The following KLHL24 variants were observed in gnomAD, a reference collection of about 807,000 sequenced individuals.
The protein encoded by KLHL24 is kelch like family member 24.
In KLHL24, 29 loss-of-function variants were observed where a neutral mutation model predicts 53.4. That is an observed-to-expected ratio of 0.54 (90% CI 0.40 to 0.74). KLHL24 has a LOEUF of 0.74. Among genes scored for constraint, KLHL24 ranks in the 30% least tolerant of loss-of-function variants. The pLI is 0.00. For missense variants in KLHL24, 504 were observed against 744.0 expected (o/e 0.68, Z 3.75); for synonymous variants, 222 against 253.7 (o/e 0.88, Z 1.19).
intron 3 of KLHL24, among the ~76,000 whole-genome samples, chr3:183,654,085 A>G (rs1226767494): frequency 5.3e-5 from 8 of 152,020 alleles, no homozygotes; most frequent in African/African-American, 1.7e-4. Flanking sequence ...ACTCCTCTCA[A>G]TCAGGTCATC....
At chr3:183,637,538 C>G (rs1281737248) in intron 1 of KLHL24, among the ~76,000 whole-genome samples, 1 of 152,168 alleles carries the variant, frequency 6.6e-6, no homozygotes, top group African/African-American at 2.4e-5. Context: ...CATTTTTAGC[C>G]ATAGTGTGTT....
intron 1 of KLHL24, among the ~76,000 whole-genome samples, chr3:183,637,884 C>T (rs1462849433): frequency 6.6e-6 from 1 of 152,222 alleles, no homozygotes; most frequent in Non-Finnish European, 1.5e-5. Context: ...GTCTTGAACT[C>T]CTGACCTCAG....
chr3:183,645,310 G>C (rs1384468961), intron 2 of KLHL24, among the ~76,000 whole-genome samples: 1 of 152,140 alleles, frequency 6.6e-6, no homozygotes, highest in Non-Finnish European at 1.5e-5. Flanking sequence ...CTCTTGATAT[G>C]GGGGATACAT....
rs781103410 is a variant in KLHL24 at position 183,679,281 on chromosome 3, C to T, written c.1798C>T (p.Leu600Phe). The change falls in exon 8 of 8, where the codon CTC becomes TTC. Residue 600 changes from leucine to phenylalanine, a missense_variant. Physicochemically the swap from Leu to Phe is conservative, Grantham distance 22. Coordinates refer to ENST00000242810, the MANE Select transcript of KLHL24 (RefSeq NM_017644.3). ...TAGATACAATGAGAAATGCTTTAAA[C>T]TCTGAAGACAGGATACCTCACCGAA... ...IHRYNEKCFK[L>F] 1.9e-6 allele frequency: 3 copies of T among 1,613,080 alleles called. No individual in the cohort carries two copies. The highest frequency in any genetic ancestry group is 4.5e-5 in the East Asian group (2 of 44,870).
rs1433596225 is a variant in KLHL24, at chr3:183,680,443, A to G, written c.*1157A>G. 1 of 152,206 alleles carries G rather than the reference A, an allele frequency of 6.6e-6. No homozygotes were observed. Among genetic ancestry groups the G allele is most frequent in the Non-Finnish European group, 1.5e-5 (1 of 68,034 alleles). 9.4% of individuals were successfully genotyped at this position (152,206 alleles called of 1,614,324 possible). A position where few individuals can be genotyped will look rare whatever the true frequency, so the allele number is the denominator to read the frequency against. On this transcript the variant is annotated 3_prime_UTR_variant, in exon 8 of 8. Transcript: ENST00000242810. ...AAATTCCTGAGAGTCTCTACTGTTAAGGTACCTTTAATAGGATAAAGCAGG... is the reference window on the plus strand; with the variant it reads ...AAATTCCTGAGAGTCTCTACTGTTAGGGTACCTTTAATAGGATAAAGCAGG...
At chr3:183,648,117 TTGA>T (rs1038696746) in intron 2 of KLHL24, among the ~76,000 whole-genome samples, 11 of 152,252 alleles carry the variant, frequency 7.2e-5, no homozygotes, top group African/African-American at 1.7e-4. Flanking sequence ...TAAATATTTG[TTGA>T]TGATGATGAT....
intron 3 of KLHL24, among the ~76,000 whole-genome samples, chr3:183,660,294 C>A (rs1719546320): frequency 6.6e-6 from 1 of 152,000 alleles, no homozygotes; most frequent in Non-Finnish European, 1.5e-5. Context: ...CCATGCCTGA[C>A]TAATTTTTGT....
chr3:183,651,065 G>A lies in KLHL24; in HGVS notation c.709G>A (p.Val237Ile). Residue 237 changes from valine (V) to isoleucine (I), a missense_variant, in exon 3 of 8, where the codon GTC becomes ATC. By Grantham distance (29) the Val-to-Ile change is conservative. Coordinates refer to ENST00000242810, the MANE Select transcript of KLHL24 (RefSeq NM_017644.3). ...EMVFEAVMRWVYRAVDLRRPL... is the reference protein window; with the variant it reads ...EMVFEAVMRWIYRAVDLRRPL... ...GGTTTTTGAAGCCGTCATGCGTTGG[G>A]TCTATCGTGCCGTTGATCTGAGAAG... 1 of 1,614,192 alleles carries A rather than the reference G, an allele frequency of 6.2e-7. No individual in the cohort carries two copies. The highest frequency in any genetic ancestry group is 8.5e-7 in the Non-Finnish European group (1 of 1,180,028).
At chr3:183,666,420 G>A (rs756062250) in intron 5 of KLHL24, among the ~76,000 whole-genome samples, 15 of 151,926 alleles carry the variant, frequency 9.9e-5, no homozygotes, top group Admixed American at 2.6e-4. Context: ...ACACCACAAT[G>A]CCTAGCTAAT....
rs1283351470 is a variant in KLHL24, at chr3:183,658,909, C to G, written c.921-4549C>G. Among the ~76,000 whole-genome samples the G allele has an allele frequency of 2.0e-5, 3 of 152,040 alleles. No homozygotes were observed. The East Asian group carries it at 5.8e-4, about 30-fold the overall frequency. ...CAATCTCACAGACTCCAGCAAACCTCCTGCCTCAGCCTCTCTCTCGAGTAG... is the reference window on the plus strand; with the variant it reads ...CAATCTCACAGACTCCAGCAAACCTGCTGCCTCAGCCTCTCTCTCGAGTAG... On this transcript the variant is annotated intron_variant, in intron 3 of 7. Coordinates refer to ENST00000242810, the MANE Select transcript of KLHL24 (RefSeq NM_017644.3).
chr3:183,639,338 C>T (rs1715911709), intron 1 of KLHL24, among the ~76,000 whole-genome samples: 1 of 151,594 alleles, frequency 6.6e-6, no homozygotes, highest in Non-Finnish European at 1.5e-5. Context: ...AATATTAGAT[C>T]TCAAATTTGT....
chr3:183,676,056 CAAAT>C (rs1711798401), intron 7 of KLHL24, among the ~76,000 whole-genome samples: 1 of 152,154 alleles, frequency 6.6e-6, no homozygotes. Context: ...CTAACAAAGA[CAAAT>C]AATTGAAGTT....
intron 5 of KLHL24, among the ~76,000 whole-genome samples, chr3:183,668,416 C>T (rs9825921): frequency 0.4 from 61,274 of 151,974 alleles, 15,577 homozygotes; most frequent in African/African-American, 0.73. Flanking sequence ...ATCATTCCTA[C>T]CTTACACAGC....
rs1455910916 is a variant in KLHL24 at position 183,635,811 on chromosome 3, C to A, written c.-125+18C>A. On this transcript the variant is annotated intron_variant, in intron 1 of 7. Coordinates refer to ENST00000242810, the MANE Select transcript of KLHL24 (RefSeq NM_017644.3). Reference sequence around the variant, plus strand: ...AGGAACCGGTCAGAGTCTGAGTCCTCGGGGGCGGAGGGGCGACGGCGGTCC... The same window carrying A: ...AGGAACCGGTCAGAGTCTGAGTCCTAGGGGGCGGAGGGGCGACGGCGGTCC... The A allele has an allele frequency of 6.6e-6, 1 of 152,358 alleles. No homozygotes were observed. The highest frequency in any genetic ancestry group is 1.5e-5 in the Non-Finnish European group (1 of 68,168). The allele number at this position is 152,358 out of a possible 1,614,324, so 9.4% of individuals were successfully genotyped here.
In KLHL24 at chr3:183,663,444, A is replaced by T; in HGVS notation, c.921-14A>T. On this transcript the variant is annotated splice_polypyrimidine_tract_variant and intron_variant, in intron 3 of 7. Transcript: ENST00000242810. This position sits in a 1 kb window ranked among gnomAD's most constrained non-coding sequence, Gnocchi z 4.9. Reference sequence around the variant, plus strand: ...TATTATATTATTTATGTACGCTAATAATTATTATTTTAGGTCCACTGGCTA... The same window carrying T: ...TATTATATTATTTATGTACGCTAATTATTATTATTTTAGGTCCACTGGCTA... 1 of 1,352,698 alleles carries T rather than the reference A, an allele frequency of 7.4e-7. No homozygotes were observed. 83.8% of individuals were successfully genotyped at this position (1,352,698 alleles called of 1,614,324 possible).
chr3:183,672,427 C>T lies in KLHL24; in HGVS notation c.1545C>T (p.Tyr515=). The T allele has an allele frequency of 6.2e-7, 1 of 1,613,552 alleles. No homozygotes were observed. The highest frequency in any genetic ancestry group is 8.5e-7 in the Non-Finnish European group (1 of 1,179,720). The part of the protein sequence containing the change: ...YVAGGLTKAI[Y]CYDPVEDYWM... The stretch of plus-strand genomic sequence containing the variant: ...CCGGTGGACTGACCAAGGCAATATA[C>T]TGTTACGATCCAGTTGAAGATTACT... The change falls in exon 7 of 8, where the codon TAC becomes TAT. Residue 515 remains tyrosine, a synonymous_variant. Transcript: ENST00000242810.
chr3:183,653,968 TTCTCA>T (rs1718500862), intron 3 of KLHL24, among the ~76,000 whole-genome samples: 1 of 152,150 alleles, frequency 6.6e-6, no homozygotes, highest in African/African-American at 2.4e-5. Context: ...TTTGTACAGG[TTCTCA>T]TCTTTCTGAG....
chr3:183,653,154 C>T (rs1441099296), intron 3 of KLHL24, among the ~76,000 whole-genome samples: 5 of 152,126 alleles, frequency 3.3e-5, no homozygotes, highest in Non-Finnish European at 7.3e-5. Flanking sequence ...GCAGTATCAC[C>T]GTTCTTTAAG....
chr3:183,679,315 A>C lies in KLHL24; in HGVS notation c.*29A>C. On this transcript the variant is annotated 3_prime_UTR_variant, in exon 8 of 8. Coordinates refer to ENST00000242810, the MANE Select transcript of KLHL24 (RefSeq NM_017644.3). ...CAGGATACCTCACCGAAGAAGCCAC[A>C]CTGATCCAAGATGGGAGGTTTTAAA... is the stretch of plus-strand genomic sequence containing the variant. 1.3e-6 allele frequency: 2 copies of C among 1,569,486 alleles called. No homozygotes were observed. The highest frequency in any genetic ancestry group is 2.7e-5 in the African/African-American group (2 of 74,154).
Sources: allele counts gnomAD v4.1 joint callset (sites outside exome capture counted in the v4.1 genomes callset), GRCh38; gene constraint gnomAD v4.1.1; non-coding constraint Gnocchi (gnomAD v3.1); transcripts MANE v1.5; gene names NCBI Gene and HGNC (gene_info 2026-07-23, HGNC 2026-07-21).